The following GOSR2 variants were observed in gnomAD, a reference collection of about 807,000 sequenced individuals.
GOSR2 encodes the protein golgi SNAP receptor complex member 2.
Under a neutral mutation model 27.9 loss-of-function variants are expected in GOSR2, and 20 were observed. The ratio of observed to expected loss-of-function variants is 0.72; its 90% CI spans 0.50 to 1.04. GOSR2 has a LOEUF of 1.04. Ranked by LOEUF, GOSR2 falls within the 50% of genes least tolerant of loss-of-function variation. The pLI, the probability that GOSR2 is intolerant of heterozygous loss-of-function variation, is 0.00. For missense variants in GOSR2, 261 were observed against 270.5 expected, an observed-to-expected ratio of 0.97 and a Z score of 0.25; for synonymous variants, 91 against 98.8, an observed-to-expected ratio of 0.92 and a Z score of 0.47.
At chr17:46,966,577 G>A in exon 7 of GOSR2, 1 of 693,928 alleles carries the variant, frequency 1.4e-6, no homozygotes, top group South Asian at 1.5e-5. Flanking sequence ...CCGAACTCCT[G>A]AGCTCAAGAG....
intron 6 of GOSR2, among the ~76,000 whole-genome samples, chr17:46,960,220 T>C (rs1342870647): frequency 6.6e-6 from 1 of 152,172 alleles, no homozygotes; most frequent in Non-Finnish European, 1.5e-5. Context: ...AAAGAAGATA[T>C]ACAGATGGCA....
chr17:46,923,667 T>G, intron 1 of GOSR2: 1 of 988,554 alleles, frequency 1.0e-6, no homozygotes, highest in Non-Finnish European at 1.3e-6. Context: ...TCTTATTCGA[T>G]TTATACTAAA....
At chr17:46,948,309 G>A (rs142857341) in intron 6 of GOSR2, among the ~76,000 whole-genome samples, 48 of 152,310 alleles carry the variant, frequency 3.2e-4, no homozygotes, top group African/African-American at 1.0e-3. Flanking sequence ...ATAGAAAGAT[G>A]GTAACTGAGG....
downstream of GOSR2, chr17:46,968,715 T>A (rs1422157069): frequency 6.6e-6 from 1 of 152,528 alleles, no homozygotes; most frequent in East Asian, 1.9e-4. Context: ...CCAGCACCTC[T>A]ACAATGGCCA....
In GOSR2 at chr17:46,939,995, G is replaced by C; in HGVS notation, c.*1235G>C. ...ATAAAATGACACTCAAAATCCTTCA[G>C]ATCTGGAAACCGGCTCAGTATTAAC... On this transcript the variant is annotated 3_prime_UTR_variant, in exon 6 of 6. Coordinates refer to ENST00000640051, the MANE Select transcript of GOSR2 (RefSeq NM_004287.5). 1 of 1,011,034 alleles carries C rather than the reference G, an allele frequency of 9.9e-7. No homozygotes were observed. The highest frequency in any genetic ancestry group is 1.2e-6 in the Non-Finnish European group (1 of 844,102). The allele number at this position is 1,011,034 out of a possible 1,614,324, so 62.6% of individuals were successfully genotyped here.
intron 2 of GOSR2, 60 bp downstream of exon 2, chr17:46,929,644 G>A (rs1312678014): frequency 7.9e-5 from 68 of 861,984 alleles, no homozygotes; most frequent in Non-Finnish European, 1.2e-4. Flanking sequence ...CTAATGGGCT[G>A]GGCTTCCTGA....
chr17:46,930,769 C>G (rs781024572), intron 2 of GOSR2: 29 of 233,172 alleles, frequency 1.2e-4, no homozygotes, highest in Non-Finnish European at 2.0e-4. Flanking sequence ...AGACCTATAT[C>G]AGAAAATTTA....
chr17:46,970,489 G>A (rs111615000), downstream of GOSR2, among the ~76,000 whole-genome samples: 5,302 of 138,366 alleles, frequency 0.038, 178 homozygotes, highest in African/African-American at 0.098. Context: ...GCAGCAAGCC[G>A]AGATCAAGCC....
intron 6 of GOSR2, chr17:46,964,452 C>T (rs1022929693): frequency 3.9e-5 from 6 of 152,316 alleles, no homozygotes; most frequent in Non-Finnish European, 8.8e-5. Context: ...GAGAACAGAA[C>T]ATGGCCTAGG....
At position 46,959,871 on chromosome 17, in the gene GOSR2, C is replaced by A. The variant is rs180753416; in HGVS notation, c.584-6663C>A. On this transcript the variant is annotated intron_variant, in intron 6 of 6. Transcript: ENST00000573224. ...AGCTGACTTTCTTCCCTCTCCTGGA[C>A]TGAGCAGGAAGACCGATTCATGAGA... 6.6e-5 allele frequency among the ~76,000 whole-genome samples: 10 copies of A among 152,290 alleles called. No individual in the cohort carries two copies. The East Asian group carries it at 1.5e-3, about 23-fold the overall frequency.
chr17:46,947,775 T>C (rs566197106), intron 6 of GOSR2, among the ~76,000 whole-genome samples: 1 of 152,342 alleles, frequency 6.6e-6, no homozygotes, highest in Admixed American at 6.5e-5. Flanking sequence ...AAATAGTTTT[T>C]TTTTCTTTTT....
chr17:46,975,747 C>T (rs1481111602), downstream of GOSR2, among the ~76,000 whole-genome samples: 5 of 152,138 alleles, frequency 3.3e-5, no homozygotes, highest in African/African-American at 4.8e-5. Context: ...CCCAAACACA[C>T]GTTAGTACAC....
intron 5 of GOSR2, chr17:46,935,659 T>C (rs1297454507): frequency 1.0e-6 from 1 of 997,736 alleles, no homozygotes; most frequent in Non-Finnish European, 1.2e-6. Flanking sequence ...TGCAGTAGAT[T>C]AGAGCTTTAG....
intron 3 of GOSR2, 28 bp downstream of exon 3, chr17:46,931,235 G>C: frequency 9.8e-7 from 1 of 1,024,822 alleles, no homozygotes; most frequent in South Asian, 1.3e-5. Flanking sequence ...ACATGGCTCT[G>C]ATACTCCAGG....
intron 6 of GOSR2, among the ~76,000 whole-genome samples, chr17:46,961,119 A>G (rs1249942583): frequency 6.6e-6 from 1 of 152,176 alleles, no homozygotes; most frequent in Non-Finnish European, 1.5e-5. Flanking sequence ...TAAAGTCCTG[A>G]TTTTGCCGAG....
rs2147070365 is a variant in GOSR2 at position 46,939,794 on chromosome 17, C to G, written c.*1034C>G. ...AACCTTTTTCCTTCTGTGACCAGCCCCGGATTCAGGCTGTACTAATACCAG... is the reference window on the plus strand; with the variant it reads ...AACCTTTTTCCTTCTGTGACCAGCCGCGGATTCAGGCTGTACTAATACCAG... On this transcript the variant is annotated 3_prime_UTR_variant, in exon 6 of 6. Coordinates refer to ENST00000640051, the MANE Select transcript of GOSR2 (RefSeq NM_004287.5). The G allele has an allele frequency of 1.0e-6, 1 of 987,392 alleles. No homozygotes were observed. Among genetic ancestry groups the G allele is most frequent in the East Asian group, 1.1e-4 (1 of 8,818 alleles). 61.2% of individuals were successfully genotyped at this position (987,392 alleles called of 1,614,324 possible). A position where few individuals can be genotyped will look rare whatever the true frequency, so the allele number is the denominator to read the frequency against.
Position 46,931,086 on chromosome 17 carries a change from C to CT in GOSR2, c.95-7dup. On this transcript the variant is annotated splice_polypyrimidine_tract_variant and intron_variant, in intron 2 of 5. Transcript: ENST00000640051. Reference sequence around the variant, plus strand: ...TCTTTTCCAGCAATTATTCTTTTTTCTTTTTTGTACAGTAGTAGAAAACGA... The same window carrying CT: ...TCTTTTCCAGCAATTATTCTTTTTTCTTTTTTTGTACAGTAGTAGAAAACGA... The CT allele has an allele frequency of 1.5e-6, 2 of 1,359,368 alleles. No homozygotes were observed. Among genetic ancestry groups the CT allele is most frequent in the Non-Finnish European group, 1.1e-6 (1 of 949,210 alleles). 84.2% of individuals were successfully genotyped at this position (1,359,368 alleles called of 1,614,324 possible).
chr17:46,942,280 A>G (rs149033570), downstream of GOSR2, among the ~76,000 whole-genome samples: 402 of 152,362 alleles, frequency 2.6e-3, 2 homozygotes, highest in African/African-American at 9.3e-3. Context: ...TAGGCCCTTC[A>G]TAAACAGCTT....
intron 6 of GOSR2, among the ~76,000 whole-genome samples, chr17:46,973,931 G>T (rs1323017164): frequency 2.6e-5 from 4 of 152,184 alleles, no homozygotes; most frequent in African/African-American, 9.7e-5. Context: ...CACCCCCAAA[G>T]CTCAAGGCTT....
Sources: allele counts gnomAD v4.1 joint callset (sites outside exome capture counted in the v4.1 genomes callset), GRCh38; gene constraint gnomAD v4.1.1; transcripts MANE v1.5; gene names NCBI Gene and HGNC (gene_info 2026-07-23, HGNC 2026-07-21).